Variants in FAXDC2 observed in about 807,000 individuals in gnomAD.
FAXDC2 encodes the protein fatty acid hydroxylase domain-containing protein 2.
A neutral mutation model predicts 40.9 loss-of-function variants in FAXDC2; 41 were observed. The ratio of observed to expected loss-of-function variants is 1.00; its 90% CI spans 0.78 to 1.30. The LOEUF is 1.30. Ranked by LOEUF, FAXDC2 falls within the 50% of genes most tolerant of loss-of-function variation. The pLI is 0.00. For synonymous variants in FAXDC2, 157 were observed against 149.3 expected (o/e 1.05, Z -0.38); for missense variants, 390 against 408.8 (o/e 0.95, Z 0.40).
At chr5:154,833,139 CG>C (rs1760234647) in intron 4 of FAXDC2, among the ~76,000 whole-genome samples, 1 of 151,766 alleles carries the variant, frequency 6.6e-6, no homozygotes, top group African/African-American at 2.4e-5. Flanking sequence ...TGAGTTCAAG[CG>C]ATGCTTGTGC....
intron 5 of FAXDC2, chr5:154,824,773 A>C: frequency 1.8e-6 from 1 of 544,666 alleles, no homozygotes; most frequent in Non-Finnish European, 3.3e-6. Flanking sequence ...AGAAAGGTAG[A>C]CTAGACACAA....
intron 1 of FAXDC2, among the ~76,000 whole-genome samples, chr5:154,841,783 T>G (rs1309746395): frequency 1.3e-5 from 2 of 151,760 alleles, no homozygotes; most frequent in Non-Finnish European, 2.9e-5. Flanking sequence ...TCGCCCAGGC[T>G]GGAGTGCAGT....
intron 4 of FAXDC2, among the ~76,000 whole-genome samples, chr5:154,833,043 T>G (rs1237686072): frequency 6.8e-6 from 1 of 147,072 alleles, no homozygotes. Flanking sequence ...AAATACTTCT[T>G]TTTTTTTTTT....
At chr5:154,838,091 T>G in intron 2 of FAXDC2, 40 bp downstream of exon 2, 1 of 1,371,592 alleles carries the variant, frequency 7.3e-7, no homozygotes, top group East Asian at 2.3e-5. Flanking sequence ...AGCCACTGAC[T>G]ACATTCTCAC....
At chr5:154,842,634 T>G (rs1209899732) in intron 1 of FAXDC2, among the ~76,000 whole-genome samples, 1 of 141,740 alleles carries the variant, frequency 7.1e-6, no homozygotes, top group Non-Finnish European at 1.5e-5. Flanking sequence ...GCAATTCTCC[T>G]GCCTCAGCCT....
chr5:154,827,659 C>T (rs1442868426), intron 5 of FAXDC2, among the ~76,000 whole-genome samples: 1 of 151,864 alleles, frequency 6.6e-6, no homozygotes, highest in Non-Finnish European at 1.5e-5. Flanking sequence ...CCTCAGCCTC[C>T]CAAGTAGCTA....
chr5:154,825,734 G>A (rs952509945), intron 5 of FAXDC2, among the ~76,000 whole-genome samples: 2 of 150,970 alleles, frequency 1.3e-5, no homozygotes, highest in Non-Finnish European at 2.9e-5. Context: ...GTGGTGAGAA[G>A]TGGTAAGAAG....
chr5:154,836,026 G>GCCACC (rs1226135400), intron 2 of FAXDC2: 1 of 151,226 alleles, frequency 6.6e-6, no homozygotes, highest in Admixed American at 6.6e-5. Flanking sequence ...GAGTAGCTGG[G>GCCACC]ATTACAGGCA....
At chr5:154,824,444 C>G (rs1759970435) in intron 5 of FAXDC2, 2 of 702,022 alleles carry the variant, frequency 2.8e-6, no homozygotes, top group African/African-American at 1.7e-5. Context: ...AGAATGGTCC[C>G]CAGCTTGAGG....
chr5:154,821,402 C>G lies in FAXDC2; in HGVS notation c.703G>C (p.Val235Leu). The stretch of plus-strand genomic sequence containing the variant: ...TGGGAGCCCATTACTAATGGGCCCA[C>G]TATCACCGGTAGCATGTTGGAGACC... ...HAVSNMLPVI[V>L]GPLVMGSHLS... Residue 235 changes from valine to leucine, a missense_variant, in exon 8 of 9, where the codon GTG becomes CTG. Physicochemically the swap from Val to Leu is conservative, Grantham distance 32 (BLOSUM62 1). Transcript: ENST00000326080. 2 of 1,612,250 alleles carry G rather than the reference C, an allele frequency of 1.2e-6. No homozygotes were observed.
intron 1 of FAXDC2, among the ~76,000 whole-genome samples, chr5:154,849,825 A>C (rs145129284): frequency 1.6e-3 from 237 of 152,254 alleles, no homozygotes; most frequent in African/African-American, 5.3e-3. Flanking sequence ...GTTCATCTCC[A>C]CCTACACACT....
intron 5 of FAXDC2, among the ~76,000 whole-genome samples, chr5:154,827,305 CAA>C (rs1324808409): frequency 1.0e-4 from 9 of 86,740 alleles, no homozygotes; most frequent in African/African-American, 2.0e-4. Flanking sequence ...GAGACTGTCT[CAA>C]AAAAAAAAAA....
In FAXDC2 at chr5:154,838,156, A is replaced by T; in HGVS notation, c.23T>A (p.Met8Lys). Residue 8 changes from methionine (M) to lysine (K), a missense_variant, in exon 2 of 9, where the codon ATG (methionine) becomes AAG (lysine). Coordinates refer to ENST00000326080, the MANE Select transcript of FAXDC2 (RefSeq NM_032385.5). ...CTGCTTTGACTTTTCATTGTGTAGC[A>T]TATGTCCAGCTTCTCCTTTCATCTG... MKGEAGH[M>K]LHNEKSKQEG... is the part of the protein sequence containing the mutation. The T allele has an allele frequency of 6.2e-7, 1 of 1,613,658 alleles. No homozygotes were observed. The highest frequency in any genetic ancestry group is 8.5e-7 in the Non-Finnish European group (1 of 1,179,746).
intron 7 of FAXDC2, 71 bp downstream of exon 7, chr5:154,822,401 T>G: frequency 9.4e-7 from 1 of 1,065,788 alleles, no homozygotes; most frequent in Non-Finnish European, 1.5e-6. Context: ...CTAAGTTCTC[T>G]GCAGGAGACC....
intron 5 of FAXDC2, among the ~76,000 whole-genome samples, chr5:154,825,063 A>AC: frequency 6.6e-6 from 1 of 150,942 alleles, no homozygotes; most frequent in Non-Finnish European, 1.5e-5. Context: ...CTTGTTAAAA[A>AC]AAAAAAAAAA....
intron 2 of FAXDC2, among the ~76,000 whole-genome samples, chr5:154,836,874 C>T (rs1412190250): frequency 6.6e-6 from 1 of 152,086 alleles, no homozygotes; most frequent in African/African-American, 2.4e-5. Flanking sequence ...GGGGTTTCGC[C>T]ATGTTGGCAA....
At chr5:154,826,092 T>C (rs1760027598) in intron 5 of FAXDC2, among the ~76,000 whole-genome samples, 1 of 152,024 alleles carries the variant, frequency 6.6e-6, no homozygotes. Flanking sequence ...GGATGGTATT[T>C]AAAGTCATGG....
intron 1 of FAXDC2, among the ~76,000 whole-genome samples, chr5:154,845,387 G>A (rs1760574999): frequency 6.6e-6 from 1 of 152,192 alleles, no homozygotes; most frequent in Admixed American, 6.5e-5. Flanking sequence ...CTAATACACT[G>A]AAGTACCATA....
intron 5 of FAXDC2, chr5:154,830,442 G>T: frequency 5.0e-6 from 1 of 199,058 alleles, no homozygotes; most frequent in South Asian, 1.1e-4. Flanking sequence ...CATAACAACA[G>T]CTGTTACCCA....
Sources: gnomAD v4.1 joint callset for allele counts (sites outside exome capture counted in the v4.1 genomes callset) on GRCh38, gnomAD v4.1.1 for gene constraint, MANE v1.5 for transcripts, NCBI Gene and HGNC (gene_info 2026-07-23, HGNC 2026-07-21) for gene names.